Variants in CSNK2A2IP observed in about 807,000 individuals in gnomAD.
CSNK2A2IP encodes the protein casein kinase II subunit alpha'-interacting protein.
the CSNK2A2IP span, among the ~76,000 whole-genome samples, chr3:88,359,317 A>G: frequency 6.7e-6 from 1 of 149,664 alleles, no homozygotes; most frequent in African/African-American, 2.4e-5. Context: ...TTATCTTTTC[A>G]AAAAACAAAA....
At chr3:88,397,765 C>CT in the CSNK2A2IP span, among the ~76,000 whole-genome samples, 13 of 150,188 alleles carry the variant, frequency 8.7e-5, no homozygotes, top group South Asian at 2.1e-4. Context: ...TCTCCTATCT[C>CT]TTTTTTTTTT....
chr3:88,460,781 T>C, the CSNK2A2IP span, among the ~76,000 whole-genome samples: 1 of 152,168 alleles, frequency 6.6e-6, no homozygotes, highest in African/African-American at 2.4e-5. Context: ...TTTGTGTGTA[T>C]GATTCTTTTT....
the CSNK2A2IP span, among the ~76,000 whole-genome samples, chr3:88,445,573 T>C: frequency 4.6e-5 from 7 of 152,178 alleles, no homozygotes; most frequent in Non-Finnish European, 1.0e-4. Flanking sequence ...ATTTTTTTCT[T>C]TTACAGACAG....
At chr3:88,349,379 TATGGC>T in the CSNK2A2IP span, among the ~76,000 whole-genome samples, 6 of 152,134 alleles carry the variant, frequency 3.9e-5, no homozygotes, top group Admixed American at 6.6e-5. Flanking sequence ...AGTGAGAACA[TATGGC>T]ATTTGGTTTT....
At chr3:88,465,869 T>A in the CSNK2A2IP span, 1 of 1,231,708 alleles carries the variant, frequency 8.1e-7, no homozygotes, top group Non-Finnish European at 1.0e-6. Context: ...TGGAGATCAC[T>A]TTCATTGAAG....
At chr3:88,421,785 C>T in the CSNK2A2IP span, among the ~76,000 whole-genome samples, 1 of 152,126 alleles carries the variant, frequency 6.6e-6, no homozygotes, top group Non-Finnish European at 1.5e-5. Flanking sequence ...CAAGAAACAA[C>T]TCCACCAACA....
At chr3:88,376,725 C>T in the CSNK2A2IP span, among the ~76,000 whole-genome samples, 4 of 151,680 alleles carry the variant, frequency 2.6e-5, no homozygotes, top group Admixed American at 1.3e-4. Context: ...GGTGGCTACA[C>T]TTATTGAAAG....
At chr3:88,423,345 A>T in the CSNK2A2IP span, among the ~76,000 whole-genome samples, 1 of 152,206 alleles carries the variant, frequency 6.6e-6, no homozygotes, top group Non-Finnish European at 1.5e-5. Context: ...GCAGAAGAAA[A>T]GGAGACTGCT....
the CSNK2A2IP span, among the ~76,000 whole-genome samples, chr3:88,429,690 T>C: frequency 6.6e-6 from 1 of 152,154 alleles, no homozygotes; most frequent in South Asian, 2.1e-4. Context: ...CTTCAGACCT[T>C]GGTATTCTTC....
At chr3:88,441,340 G>A in the CSNK2A2IP span, among the ~76,000 whole-genome samples, 1 of 152,060 alleles carries the variant, frequency 6.6e-6, no homozygotes, top group African/African-American at 2.4e-5. Context: ...CTTCAGAGAG[G>A]AAAGTTTTAT....
chr3:88,390,698 C>T, the CSNK2A2IP span, among the ~76,000 whole-genome samples: 1 of 152,086 alleles, frequency 6.6e-6, no homozygotes, highest in Non-Finnish European at 1.5e-5. Flanking sequence ...GGAGTATTAA[C>T]TGAGGAGTTC....
At chr3:88,368,691 C>T in the CSNK2A2IP span, among the ~76,000 whole-genome samples, 1 of 152,002 alleles carries the variant, frequency 6.6e-6, no homozygotes, top group South Asian at 2.1e-4. Context: ...ATTGTTTGAT[C>T]CCATGATTCG....
the CSNK2A2IP span, among the ~76,000 whole-genome samples, chr3:88,367,228 A>G: frequency 6.6e-6 from 1 of 152,128 alleles, no homozygotes; most frequent in Non-Finnish European, 1.5e-5. Flanking sequence ...ACAAATAGAA[A>G]ACGAAATAAA....
the CSNK2A2IP span, among the ~76,000 whole-genome samples, chr3:88,447,646 T>A: frequency 2.2e-4 from 34 of 152,214 alleles, 1 homozygote; most frequent in Non-Finnish European, 2.4e-4. Context: ...AGTAGTACAA[T>A]CTTGTATTTG....
At chr3:88,359,331 A>T in the CSNK2A2IP span, among the ~76,000 whole-genome samples, 10 of 142,102 alleles carry the variant, frequency 7.0e-5, no homozygotes, top group African/African-American at 2.2e-4. Context: ...AACAAAATTC[A>T]TTGGTTTATC....
chr3:88,371,627 G>A, the CSNK2A2IP span, among the ~76,000 whole-genome samples: 1 of 151,798 alleles, frequency 6.6e-6, no homozygotes, highest in Non-Finnish European at 1.5e-5. Flanking sequence ...GAAAGGGACA[G>A]AAAAATATTT....
the CSNK2A2IP span, among the ~76,000 whole-genome samples, chr3:88,437,330 G>C: frequency 0.083 from 12,701 of 152,240 alleles, 933 homozygotes; most frequent in Admixed American, 0.24. Flanking sequence ...CATTAACAGA[G>C]TTAGACCAAA....
chr3:88,378,882 G>C, the CSNK2A2IP span, among the ~76,000 whole-genome samples: 1 of 152,006 alleles, frequency 6.6e-6, no homozygotes, highest in East Asian at 1.9e-4. Context: ...AACTTTGTTT[G>C]ATTGTGTTAG....
the CSNK2A2IP span, chr3:88,466,086 A>G: frequency 8.1e-7 from 1 of 1,231,626 alleles, no homozygotes; most frequent in Non-Finnish European, 1.0e-6. Context: ...CTTTGAGTTC[A>G]CCATCACTCA....
Sources: allele counts gnomAD v4.1 joint callset (sites outside exome capture counted in the v4.1 genomes callset), GRCh38; gene constraint gnomAD v4.1.1; transcripts MANE v1.5; gene names NCBI Gene and HGNC (gene_info 2026-07-23, HGNC 2026-07-21).